Variants in FBXO11 observed in about 807,000 individuals in gnomAD.
FBXO11 encodes F-box protein 11, also known as F-box only protein 11.
A neutral mutation model predicts 117.0 loss-of-function variants in FBXO11; 13 were observed. The ratio of observed to expected loss-of-function variants is 0.11; its 90% CI spans 0.07 to 0.18. The LOEUF is 0.18. Among genes scored for constraint, FBXO11 ranks in the 10% least tolerant of loss-of-function variants. The pLI is 1.00. For synonymous variants in FBXO11, 490 were observed against 380.5 expected (o/e 1.29, Z -3.35); for missense variants, 767 against 1,164.4 (o/e 0.66, Z 4.97).
chr2:47,839,893 A>T, intron 1 of FBXO11, 124 bp from the exon 2 acceptor site: 1 of 745,292 alleles, frequency 1.3e-6, no homozygotes, highest in South Asian at 2.0e-5. Context: ...ATGAAATTCC[A>T]ACCAACTGGA....
chr2:47,853,020 T>C (rs568920658), intron 1 of FBXO11, among the ~76,000 whole-genome samples: 255 of 152,290 alleles, frequency 1.7e-3, no homozygotes, highest in Non-Finnish European at 2.7e-3. Context: ...TATTAGCCTA[T>C]AAAAGAATAC....
At chr2:47,842,726 T>C (rs1308833451) in intron 1 of FBXO11, among the ~76,000 whole-genome samples, 1 of 151,650 alleles carries the variant, frequency 6.6e-6, no homozygotes, top group African/African-American at 2.4e-5. Flanking sequence ...TTAAATATTA[T>C]TCGATTAACA....
chr2:47,819,342 A>G (rs986532672), intron 14 of FBXO11, among the ~76,000 whole-genome samples: 2 of 152,048 alleles, frequency 1.3e-5, no homozygotes, highest in African/African-American at 2.4e-5. Flanking sequence ...CAGCTTCCCA[A>G]GTAGCTAGGA....
At chr2:47,852,205 G>T (rs564947500) in intron 1 of FBXO11, among the ~76,000 whole-genome samples, 1 of 152,038 alleles carries the variant, frequency 6.6e-6, no homozygotes, top group African/African-American at 2.4e-5. Flanking sequence ...GGCCAGGGTG[G>T]TCTCGAACTC....
chr2:47,883,662 G>A (rs965804859), intron 1 of FBXO11: 1 of 274,708 alleles, frequency 3.6e-6, no homozygotes, highest in Non-Finnish European at 7.4e-6. Context: ...TCTTCATCTT[G>A]TGTTGAGACT....
chr2:47,860,410 A>ATT (rs777150310), intron 1 of FBXO11, among the ~76,000 whole-genome samples: 34 of 138,960 alleles, frequency 2.4e-4, no homozygotes, highest in African/African-American at 5.3e-4. Context: ...TTTACCCTGG[A>ATT]TTTTTTTTTT....
At chr2:47,900,260 T>G (rs944107772) in intron 1 of FBXO11, among the ~76,000 whole-genome samples, 2 of 152,080 alleles carry the variant, frequency 1.3e-5, no homozygotes, top group Non-Finnish European at 2.9e-5. Context: ...TCCAAAAGGT[T>G]GAGTGGCACT....
chr2:47,843,461 C>T (rs1209003400), intron 1 of FBXO11, among the ~76,000 whole-genome samples: 3 of 148,226 alleles, frequency 2.0e-5, no homozygotes, highest in African/African-American at 7.5e-5. Context: ...CAAATTTTTG[C>T]TTTATGTGCT....
intron 1 of FBXO11, among the ~76,000 whole-genome samples, chr2:47,900,512 C>A (rs147480666): frequency 6.7e-6 from 1 of 149,774 alleles, no homozygotes; most frequent in East Asian, 1.9e-4. Flanking sequence ...TATAAATATA[C>A]AGCTCATTCC....
intron 1 of FBXO11, among the ~76,000 whole-genome samples, chr2:47,850,687 A>C (rs1047251812): frequency 2.0e-5 from 3 of 152,230 alleles, no homozygotes; most frequent in Non-Finnish European, 4.4e-5. Context: ...AAAGTTCATA[A>C]CTTTAGTTTG....
chr2:47,902,546 T>C (rs1344191258), intron 1 of FBXO11, among the ~76,000 whole-genome samples: 1 of 152,028 alleles, frequency 6.6e-6, no homozygotes, highest in Non-Finnish European at 1.5e-5. Context: ...TGTACAAACA[T>C]GTATATACAC....
At chr2:47,884,517 G>A (rs1049984548) in intron 1 of FBXO11, among the ~76,000 whole-genome samples, 1 of 152,156 alleles carries the variant, frequency 6.6e-6, no homozygotes, top group Non-Finnish European at 1.5e-5. Flanking sequence ...GAAAACAGAG[G>A]TTGATGCATT....
At position 47,807,743 on chromosome 2, in the gene FBXO11, T is replaced by C. The variant is rs1452365833; in HGVS notation, c.*375A>G. On this transcript the variant is annotated 3_prime_UTR_variant, in exon 23 of 23. Transcript: ENST00000403359. ...ATATTACAAAAGCAATTGGTACCCA[T>C]GTCCATAAAGGCAGCAACAAAGCTG... 4.1e-6 allele frequency: 1 copy of C among 242,762 alleles called. No individual in the cohort carries two copies. Among genetic ancestry groups the C allele is most frequent in the Non-Finnish European group, 8.1e-6 (1 of 123,246 alleles). The allele number at this position is 242,762 out of a possible 1,614,324, so 15.0% of individuals were successfully genotyped here.
chr2:47,850,684 A>C (rs983135554), intron 1 of FBXO11, among the ~76,000 whole-genome samples: 19 of 152,360 alleles, frequency 1.2e-4, no homozygotes, highest in African/African-American at 4.6e-4. Context: ...ACCAAAGTTC[A>C]TAACTTTAGT....
rs1224661638 is a variant in FBXO11 at position 47,813,846 on chromosome 2, A to G, written c.2028T>C (p.Ile676=). 1.2e-6 allele frequency: 2 copies of G among 1,613,516 alleles called. No individual in the cohort carries two copies. Among genetic ancestry groups the G allele is most frequent in the South Asian group, 1.1e-5 (1 of 91,080 alleles). Residue 676 remains isoleucine (I), a synonymous_variant, in exon 17 of 23, where the codon ATT becomes ATC. Transcript: ENST00000403359. The part of the protein sequence containing the change: ...VQIRTGSNPK[I]RRNKIWGGQN... ...GTCCTCCCCAGATTTTGTTGCGTCT[A>G]ATTTTGGGGTTGCTTCCAGTCCTGT...
Position 47,834,625 on chromosome 2 carries a change from A to T in FBXO11, c.888T>A (p.Thr296=). The change falls in exon 7 of 23, where the codon ACT becomes ACA. Residue 296 remains threonine, a synonymous_variant. Coordinates refer to ENST00000403359, the MANE Select transcript of FBXO11 (RefSeq NM_001190274.2). ...GAGATTCAATATATATCCATTCATC[A>T]GTATATATTCCAGAATGAACAAAGA... is the stretch of plus-strand genomic sequence containing the variant. ...GLIFVHSGIY[T]DEWIYIESPI... The T allele has an allele frequency of 6.2e-7, 1 of 1,600,620 alleles. No homozygotes were observed. Among genetic ancestry groups the T allele is most frequent in the South Asian group, 1.1e-5 (1 of 89,022 alleles).
chr2:47,835,331 C>T (rs1158060245), intron 5 of FBXO11, among the ~76,000 whole-genome samples: 1 of 152,194 alleles, frequency 6.6e-6, no homozygotes, highest in Non-Finnish European at 1.5e-5. Context: ...AAAACAAATG[C>T]TGAACACTAA....
At chr2:47,821,502 T>C (rs921186199) in intron 13 of FBXO11, among the ~76,000 whole-genome samples, 4 of 150,976 alleles carry the variant, frequency 2.6e-5, no homozygotes, top group Non-Finnish European at 4.4e-5. Context: ...CCCAGCTACT[T>C]GGGAGGCTGC....
At chr2:47,855,079 G>C (rs1336284411) in intron 1 of FBXO11, among the ~76,000 whole-genome samples, 1 of 152,040 alleles carries the variant, frequency 6.6e-6, no homozygotes, top group Non-Finnish European at 1.5e-5. Flanking sequence ...TCACTTTCTA[G>C]AATTGTGAGA....
Sources: allele counts gnomAD v4.1 joint callset (sites outside exome capture counted in the v4.1 genomes callset), GRCh38; gene constraint gnomAD v4.1.1; transcripts MANE v1.5; gene names NCBI Gene and HGNC (gene_info 2026-07-23, HGNC 2026-07-21).